Variants in LMO7 observed in about 807,000 individuals in gnomAD.
LMO7 encodes the protein LIM domain 7.
A neutral mutation model predicts 206.5 loss-of-function variants in LMO7; 120 were observed. That is an observed-to-expected ratio of 0.58 (90% confidence interval 0.50 to 0.68). The LOEUF (loss-of-function observed/expected upper bound fraction) is 0.68, where lower values mean the gene tolerates loss of function less well. LMO7 is among the 30% of genes least tolerant of loss of function. The pLI, the probability that LMO7 is intolerant of heterozygous loss-of-function variation, is 0.00. For synonymous variants in LMO7, 706 were observed against 681.5 expected (o/e 1.04, Z -0.56); for missense variants, 1,959 against 1,957.9 (o/e 1.00, Z -0.01).
At chr13:75,628,678 T>A (rs1043894059) in intron 2 of LMO7, 1 of 152,226 alleles carries the variant, frequency 6.6e-6, no homozygotes, top group Non-Finnish European at 1.5e-5. Flanking sequence ...TTTTGAATCA[T>A]AACCAATCAA....
chr13:75,658,539 A>G (rs2038264512), intron 1 of LMO7, among the ~76,000 whole-genome samples: 1 of 152,114 alleles, frequency 6.6e-6, no homozygotes, highest in Admixed American at 6.5e-5. Context: ...GGAACTTCAT[A>G]GTTTTTGCTA....
Position 75,693,498 on chromosome 13 carries a change from G to C in LMO7, c.70-19684G>C, listed in dbSNP as rs1419202535. Among the ~76,000 whole-genome samples the C allele has an allele frequency of 3.3e-5, 5 of 152,256 alleles. No individual in the cohort carries two copies. The East Asian group carries it at 9.7e-4, about 29-fold the overall frequency. On this transcript the variant is annotated intron_variant, in intron 1 of 30. Transcript: ENST00000377534. ...ATAATTATTTCATGTGGCACTGGGA[G>C]CCCTCCTCCCTACCGTCACTGAATC...
upstream of LMO7, chr13:75,636,215 C>A: frequency 1.2e-6 from 1 of 858,502 alleles, no homozygotes; most frequent in Non-Finnish European, 1.4e-6. Flanking sequence ...GCCCGGGGAG[C>A]CAAGGGAGGG....
intron 1 of LMO7, among the ~76,000 whole-genome samples, chr13:75,660,738 A>C (rs1278800166): frequency 6.6e-6 from 1 of 152,138 alleles, no homozygotes; most frequent in African/African-American, 2.4e-5. Flanking sequence ...CTATGAGTAG[A>C]AGGACCTTGG....
chr13:75,797,550 A>G (rs2054188480), intron 6 of LMO7, among the ~76,000 whole-genome samples: 1 of 152,178 alleles, frequency 6.6e-6, no homozygotes, highest in African/African-American at 2.4e-5. Flanking sequence ...TCATTGTTTC[A>G]TGGGTTTCTC....
chr13:75,711,099 G>A (rs1322746828), intron 1 of LMO7, among the ~76,000 whole-genome samples: 9 of 152,140 alleles, frequency 5.9e-5, no homozygotes, highest in Non-Finnish European at 8.8e-5. Context: ...GCTGTATTAC[G>A]TTTATTGATT....
At chr13:75,672,750 A>G (rs886844611) in intron 1 of LMO7, among the ~76,000 whole-genome samples, 1 of 152,160 alleles carries the variant, frequency 6.6e-6, no homozygotes, top group Non-Finnish European at 1.5e-5. Flanking sequence ...TGTTCTGTCC[A>G]CCAAAGATGA....
chr13:75,670,274 A>C (rs79832423), intron 1 of LMO7, among the ~76,000 whole-genome samples: 1,738 of 152,296 alleles, frequency 0.011, 40 homozygotes, highest in African/African-American at 0.038. Flanking sequence ...TTAAAGTTGC[A>C]GAACATCTAT....
intron 1 of LMO7, among the ~76,000 whole-genome samples, chr13:75,666,720 G>A (rs1024200374): frequency 2.0e-5 from 3 of 152,186 alleles, no homozygotes; most frequent in African/African-American, 7.2e-5. Flanking sequence ...AAAAGTTTGA[G>A]AATTCTCTTG....
At chr13:75,704,593 C>T (rs141493020) in intron 1 of LMO7, among the ~76,000 whole-genome samples, 3 of 152,112 alleles carry the variant, frequency 2.0e-5, no homozygotes, top group South Asian at 2.1e-4. Context: ...ATTCTAGGCA[C>T]CTTTTAAATG....
At chr13:75,797,295 T>C (rs111811596) in intron 6 of LMO7, among the ~76,000 whole-genome samples, 1 of 152,244 alleles carries the variant, frequency 6.6e-6, no homozygotes, top group African/African-American at 2.4e-5. Flanking sequence ...TTAGAATCTT[T>C]TGTTTTATAC....
intron 2 of LMO7, among the ~76,000 whole-genome samples, chr13:75,626,469 C>T (rs1284125743): frequency 6.6e-6 from 1 of 150,702 alleles, no homozygotes; most frequent in African/African-American, 2.5e-5. Context: ...CAATTACCTC[C>T]CCCTGGGTCC....
chr13:75,771,736 A>G (rs938337663), intron 4 of LMO7, among the ~76,000 whole-genome samples: 2 of 151,926 alleles, frequency 1.3e-5, no homozygotes, highest in Admixed American at 6.6e-5. Context: ...AAAACATAAC[A>G]TGGGATATTA....
intron 2 of LMO7, 66 bp from the exon 3 acceptor site, chr13:75,726,963 G>C: frequency 2.3e-6 from 2 of 875,626 alleles, no homozygotes; most frequent in South Asian, 1.4e-5. Flanking sequence ...TGTGATTTTT[G>C]AGAATGCTAA....
intron 3 of LMO7, among the ~76,000 whole-genome samples, chr13:75,732,021 T>A (rs1313695249): frequency 6.6e-6 from 1 of 152,180 alleles, no homozygotes; most frequent in Non-Finnish European, 1.5e-5. Context: ...TTTCCCTTTG[T>A]GGGTAACCCG....
In LMO7 at chr13:75,821,397, C is replaced by T. The variant is rs2057560054; in HGVS notation, c.2428C>T (p.Gln810Ter). The T allele has an allele frequency of 3.1e-6, 5 of 1,614,052 alleles. No homozygotes were observed. Among genetic ancestry groups the T allele is most frequent in the Non-Finnish European group, 4.2e-6 (5 of 1,180,010 alleles). ...KREDRVTTEIQLPSQSPVEEQ... is the reference protein window; with the variant it reads ...KREDRVTTEI ...AGAGGACCGTGTAACAACTGAAATT[C>T]AGCTTCCTTCTCAAAGTCCTGTGGA... is the stretch of plus-strand genomic sequence containing the variant. Residue 810 changes from glutamine (Q) to a stop codon, truncating the protein, a stop_gained, in exon 14 of 31, where the codon CAG becomes TAG. Transcript: ENST00000377534. LOFTEE classifies it high-confidence loss of function.
chr13:75,855,523 C>A (rs1055739007), intron 29 of LMO7, among the ~76,000 whole-genome samples, 155 bp downstream of exon 29: 5 of 152,218 alleles, frequency 3.3e-5, no homozygotes, highest in Admixed American at 3.3e-4. Flanking sequence ...TTGCTCCTCC[C>A]TAGTTCTCAA....
In LMO7 at chr13:75,808,004, G is replaced by C. The variant is rs367972855; in HGVS notation, c.1721G>C (p.Cys574Ser). The C allele has an allele frequency of 1.3e-5, 21 of 1,613,736 alleles. No homozygotes were observed. Among genetic ancestry groups the C allele is most frequent in the Non-Finnish European group, 1.6e-5 (19 of 1,179,838 alleles). The change falls in exon 10 of 31, where the codon TGT becomes TCT. Residue 574 changes from cysteine (C) to serine (S), a missense_variant. Cys to Ser is a moderately radical substitution (Grantham distance 112, BLOSUM62 -1). Coordinates refer to ENST00000377534, the MANE Select transcript of LMO7 (RefSeq NM_001306080.2). ...TCPSKEKSNS[C>S]RILVPSYRQK... is the part of the protein sequence containing the mutation. ...CCATCCAAAGAAAAAAGTAATAGCT[G>C]TAGAATATTAGTTCCTTCATATCGG... is the stretch of plus-strand genomic sequence containing the variant.
intron 8 of LMO7, chr13:75,805,222 A>G: frequency 8.3e-7 from 1 of 1,203,194 alleles, no homozygotes; most frequent in Non-Finnish European, 1.1e-6. Flanking sequence ...AACACCCCAA[A>G]TTGTTTGTTA....
Sources: allele counts gnomAD v4.1 joint callset (sites outside exome capture counted in the v4.1 genomes callset), GRCh38; gene constraint gnomAD v4.1.1; transcripts MANE v1.5; gene names NCBI Gene and HGNC (gene_info 2026-07-23, HGNC 2026-07-21).